CNIH3: variants seen among roughly 807,000 people sequenced by gnomAD.
The protein encoded by CNIH3 is cornichon family AMPA receptor auxiliary protein 3, also known as protein cornichon homolog 3.
A neutral mutation model predicts 24.1 loss-of-function variants in CNIH3; 14 were observed. The ratio of observed to expected loss-of-function variants is 0.58; its 90% CI spans 0.38 to 0.91. CNIH3 has a LOEUF of 0.91. Ranked by LOEUF, CNIH3 falls within the 40% of genes least tolerant of loss-of-function variation. The probability of loss-of-function intolerance (pLI) is 0.00; values close to 1 mark genes in which losing one functional copy is unlikely to be tolerated. For missense variants in CNIH3, 178 were observed against 196.8 expected, an observed-to-expected ratio of 0.90 and a Z score of 0.57; for synonymous variants, 68 against 73.8, an observed-to-expected ratio of 0.92 and a Z score of 0.40.
At chr1:224,736,401 CA>C (rs1369446782) in intron 5 of CNIH3, among the ~76,000 whole-genome samples, 2 of 152,228 alleles carry the variant, frequency 1.3e-5, no homozygotes, top group East Asian at 3.8e-4. Flanking sequence ...GCTGGGATTA[CA>C]GGCGTGAGCC....
At chr1:224,611,665 G>A (rs1682705888), upstream of CNIH3, 1 of 152,194 alleles carries the variant, frequency 6.6e-6, no homozygotes, top group South Asian at 2.1e-4. Context: ...TGGCTGCATG[G>A]TGGGTGGGGA....
At chr1:224,509,228 C>G (rs567583129) in intron 1 of CNIH3, among the ~76,000 whole-genome samples, 1 of 152,032 alleles carries the variant, frequency 6.6e-6, no homozygotes, top group Admixed American at 6.6e-5. Context: ...GAGGCTGAGA[C>G]GCAAGAATTG....
intron 3 of CNIH3, among the ~76,000 whole-genome samples, chr1:224,549,913 T>C (rs1293875835): frequency 6.6e-6 from 1 of 152,160 alleles, no homozygotes; most frequent in Non-Finnish European, 1.5e-5. Flanking sequence ...ATCAGAGTGA[T>C]AATGTTTCAT....
At position 224,440,602 on chromosome 1, in the gene CNIH3, G is replaced by T. The variant is rs1268120402; in HGVS notation, n.203+5740G>T. On this transcript the variant is annotated intron_variant and non_coding_transcript_variant, in intron 1 of 5. Coordinates refer to the CNIH3 transcript ENST00000471578. ...ATAGTACCAAGATATGTTATTAAGT[G>T]AATAATGCATGTTACAAAACAGTGT... Among the ~76,000 whole-genome samples, 3 of 152,146 alleles carry T rather than the reference G, an allele frequency of 2.0e-5. No homozygotes were observed. In the East Asian group the frequency reaches 5.8e-4, roughly 29 times the overall value.
chr1:224,674,272 GTTTTTTTTTTTT>G lies in CNIH3; in HGVS notation c.82-6662_82-6651del, dbSNP rs71170028. On this transcript the variant is annotated intron_variant, in intron 1 of 5. Coordinates refer to ENST00000272133, the MANE Select transcript of CNIH3 (RefSeq NM_152495.2). Reference sequence around the variant, plus strand: ...AATCGTTTCTTCATCTTCCAGGAAGGTTTTTTTTTTTTTTTTTTTTTTTTTTTTTTTTTTTGC... The same window carrying G: ...AATCGTTTCTTCATCTTCCAGGAAGGTTTTTTTTTTTTTTTTTTTTTTTGC... Among the ~76,000 whole-genome samples, 19 of 72,070 alleles carry G rather than the reference GTTTTTTTTTTTT, an allele frequency of 2.6e-4. 1 individual carries two copies. The highest frequency in any genetic ancestry group is 5.4e-4 in the African/African-American group (10 of 18,644). 47.3% of individuals were successfully genotyped at this position (72,070 alleles called of 152,430 possible).
intron 1 of CNIH3, among the ~76,000 whole-genome samples, chr1:224,445,905 A>G (rs1253498849): frequency 2.6e-5 from 4 of 152,194 alleles, no homozygotes; most frequent in Non-Finnish European, 5.9e-5. Flanking sequence ...GTCTACAACC[A>G]TTCTGTAGTT....
chr1:224,712,660 A>G (rs1688218593), intron 3 of CNIH3, among the ~76,000 whole-genome samples: 2 of 152,198 alleles, frequency 1.3e-5, no homozygotes, highest in African/African-American at 2.4e-5. Flanking sequence ...TCTAGTATCA[A>G]TATTTTGTGC....
At chr1:224,718,276 G>A (rs1688534392) in intron 3 of CNIH3, among the ~76,000 whole-genome samples, 1 of 152,132 alleles carries the variant, frequency 6.6e-6, no homozygotes, top group Non-Finnish European at 1.5e-5. Context: ...TGAAGGCACT[G>A]CCATGCAAAT....
intron 1 of CNIH3, among the ~76,000 whole-genome samples, chr1:224,497,772 C>A (rs181220215): frequency 2.0e-5 from 3 of 152,286 alleles, no homozygotes; most frequent in Non-Finnish European, 4.4e-5. Context: ...TGGTCAGATG[C>A]TCCTGACTAT....
chr1:224,670,081 C>T (rs1051495255), intron 1 of CNIH3, among the ~76,000 whole-genome samples: 1 of 152,070 alleles, frequency 6.6e-6, no homozygotes, highest in African/African-American at 2.4e-5. Context: ...GAAGCCATGA[C>T]CTGGAGGAGT....
At chr1:224,707,164 ATGT>A (rs1186388352) in intron 3 of CNIH3, among the ~76,000 whole-genome samples, 2 of 151,926 alleles carry the variant, frequency 1.3e-5, no homozygotes, top group African/African-American at 4.8e-5. Flanking sequence ...GGGTTTCACC[ATGT>A]TGTCCAGGCT....
At chr1:224,441,774 T>A (rs1674926049) in intron 1 of CNIH3, among the ~76,000 whole-genome samples, 1 of 152,206 alleles carries the variant, frequency 6.6e-6, no homozygotes, top group Non-Finnish European at 1.5e-5. Context: ...ATCTCGAGGC[T>A]TCTTCAGTTA....
chr1:224,732,615 A>G (rs1689396328), intron 4 of CNIH3, among the ~76,000 whole-genome samples: 1 of 152,148 alleles, frequency 6.6e-6, no homozygotes, highest in Admixed American at 6.5e-5. Context: ...AGTCCCTGCC[A>G]CCTGACACAC....
At chr1:224,658,608 TA>T (rs906413354) in intron 1 of CNIH3, among the ~76,000 whole-genome samples, 58 of 147,556 alleles carry the variant, frequency 3.9e-4, no homozygotes, top group African/African-American at 1.2e-3. Context: ...ATTCAGATAT[TA>T]AAAAAAAAAC....
chr1:224,532,497 G>A (rs1638678960), intron 2 of CNIH3, among the ~76,000 whole-genome samples: 1 of 152,216 alleles, frequency 6.6e-6, no homozygotes, highest in African/African-American at 2.4e-5. Context: ...AGTTATCCAG[G>A]TGAGAGGTGA....
At chr1:224,577,980 A>T (rs61827074) in intron 4 of CNIH3, among the ~76,000 whole-genome samples, 6,991 of 152,082 alleles carry the variant, frequency 0.046, 228 homozygotes, top group Non-Finnish European at 0.067. Context: ...GGAAAACCAA[A>T]CATCCTATGT....
At chr1:224,515,180 C>G (rs543905946), upstream of CNIH3, among the ~76,000 whole-genome samples, 15 of 152,306 alleles carry the variant, frequency 9.8e-5, no homozygotes, top group South Asian at 2.9e-3. Context: ...GGGCGGGGGT[C>G]TAGGCTATTT....
chr1:224,684,792 A>G lies in CNIH3; in HGVS notation c.151-4A>G. ...TCTCATTTCTTTCTTGTGCATCCTG[A>G]TAGAGGGAACGGTTGAGGAACATCG... is the stretch of plus-strand genomic sequence containing the variant. On this transcript the variant is annotated splice_polypyrimidine_tract_variant and splice_region_variant and intron_variant, in intron 2 of 5. Coordinates refer to ENST00000272133, the MANE Select transcript of CNIH3 (RefSeq NM_152495.2). The surrounding 1 kb of genome is among the most constrained non-coding windows in gnomAD (Gnocchi z 4.2). The G allele has an allele frequency of 1.2e-6, 2 of 1,613,798 alleles. No homozygotes were observed. Among genetic ancestry groups the G allele is most frequent in the Non-Finnish European group, 8.5e-7 (1 of 1,179,712 alleles).
At chr1:224,626,756 C>T (rs1486488918) in intron 1 of CNIH3, among the ~76,000 whole-genome samples, 1 of 152,200 alleles carries the variant, frequency 6.6e-6, no homozygotes, top group Non-Finnish European at 1.5e-5. Flanking sequence ...CGGTCTCCCA[C>T]AACTCCCCAT....
Sources: gnomAD v4.1 joint callset for allele counts (sites outside exome capture counted in the v4.1 genomes callset) on GRCh38, gnomAD v4.1.1 for gene constraint, Gnocchi (gnomAD v3.1) non-coding constraint, MANE v1.5 for transcripts, NCBI Gene and HGNC (gene_info 2026-07-23, HGNC 2026-07-21) for gene names.